KIF11: variants seen among roughly 807,000 people sequenced by gnomAD.
The protein encoded by KIF11 is kinesin-like protein KIF11.
A neutral mutation model predicts 121.0 loss-of-function variants in KIF11; 9 were observed. The ratio of observed to expected loss-of-function variants is 0.07; its 90% CI spans 0.04 to 0.13. KIF11 has a LOEUF of 0.13. Ranked by LOEUF, KIF11 falls within the 10% of genes least tolerant of loss-of-function variation. KIF11 has a pLI of 1.00. For synonymous variants in KIF11, 408 were observed against 421.0 expected (o/e 0.97, Z 0.38); for missense variants, 846 against 1,217.5 (o/e 0.69, Z 4.54).
At chr10:92,622,352 C>T (rs532668002) in intron 10 of KIF11, among the ~76,000 whole-genome samples, 56 of 151,194 alleles carry the variant, frequency 3.7e-4, no homozygotes, top group Middle Eastern at 3.4e-3. Context: ...CCGTGGCTCA[C>T]GCCTGTAATC....
chr10:92,616,350 A>C (rs1564707618), intron 8 of KIF11, among the ~76,000 whole-genome samples: 1 of 151,538 alleles, frequency 6.6e-6, no homozygotes, highest in Non-Finnish European at 1.5e-5. Context: ...GGCACATACT[A>C]CTATGCCCAG....
chr10:92,640,191 A>T (rs1265760467), intron 17 of KIF11, among the ~76,000 whole-genome samples: 1 of 152,186 alleles, frequency 6.6e-6, no homozygotes, highest in African/African-American at 2.4e-5. Context: ...TCTAACCTAT[A>T]TTACTGATGA....
At chr10:92,598,722 A>ACAAGGGAT (rs1170891358) in intron 1 of KIF11, among the ~76,000 whole-genome samples, 1 of 152,202 alleles carries the variant, frequency 6.6e-6, no homozygotes, top group African/African-American at 2.4e-5. Context: ...CAGTTCATGA[A>ACAAGGGAT]CAAGGGATGT....
intron 18 of KIF11, among the ~76,000 whole-genome samples, 191 bp from the exon 19 acceptor site, chr10:92,648,021 A>T (rs1844938720): frequency 6.6e-6 from 1 of 150,896 alleles, no homozygotes; most frequent in African/African-American, 2.5e-5. Context: ...AGGTGGGAGG[A>T]TGGCTTGAGC....
At chr10:92,641,789 A>G (rs1276930118) in intron 17 of KIF11, among the ~76,000 whole-genome samples, 1 of 152,014 alleles carries the variant, frequency 6.6e-6, no homozygotes, top group East Asian at 1.9e-4. Flanking sequence ...CAAATGTTAG[A>G]TCTTTTATTT....
intron 21 of KIF11, among the ~76,000 whole-genome samples, chr10:92,653,046 C>CAAATA (rs1002578651): frequency 6.6e-6 from 1 of 152,094 alleles, no homozygotes; most frequent in Non-Finnish European, 1.5e-5. Context: ...ATAGGTTTTA[C>CAAATA]AAATAAAATA....
chr10:92,624,857 C>A (rs1208154322), intron 10 of KIF11, among the ~76,000 whole-genome samples: 2 of 151,166 alleles, frequency 1.3e-5, no homozygotes, highest in Admixed American at 1.3e-4. Flanking sequence ...GCAAACTCTG[C>A]CCCCCAGGTT....
At chr10:92,644,220 T>C (rs1015739408) in intron 17 of KIF11, among the ~76,000 whole-genome samples, 1 of 152,254 alleles carries the variant, frequency 6.6e-6, no homozygotes, top group Non-Finnish European at 1.5e-5. Context: ...AGGTGATGTT[T>C]ATGTACACAC....
chr10:92,634,574 G>A (rs1230892279), intron 14 of KIF11, among the ~76,000 whole-genome samples: 1 of 152,026 alleles, frequency 6.6e-6, no homozygotes, highest in Non-Finnish European at 1.5e-5. Context: ...GTGCCCGGCC[G>A]AGAGTACGTT....
intron 6 of KIF11, among the ~76,000 whole-genome samples, chr10:92,611,141 T>C (rs1390514382): frequency 2.6e-5 from 4 of 152,152 alleles, no homozygotes; most frequent in African/African-American, 9.7e-5. Flanking sequence ...AATGCTTATT[T>C]GTATTAATTG....
Position 92,613,612 on chromosome 10 carries a change from A to G in KIF11, c.1025A>G (p.Asn342Ser), listed in dbSNP as rs772752590. 1.9e-6 allele frequency: 3 copies of G among 1,611,330 alleles called. No individual in the cohort carries two copies. Among genetic ancestry groups the G allele is most frequent in the Non-Finnish European group, 2.5e-6 (3 of 1,178,658 alleles). The change falls in exon 8 of 22, where the codon AAT becomes AGT. Residue 342 changes from asparagine to serine, a missense_variant. Asn to Ser is a conservative substitution (Grantham distance 46). Transcript: ENST00000260731. This position sits in a 1 kb window ranked among gnomAD's most constrained non-coding sequence, Gnocchi z 4.2. ...GCAACAATTTCTCCTGCATCTCTCAATCTTGAGGTAAGCCCTTTGAAAGGA... is the reference window on the plus strand; with the variant it reads ...GCAACAATTTCTCCTGCATCTCTCAGTCTTGAGGTAAGCCCTTTGAAAGGA... ...IIATISPASL[N>S]LEETLSTLEY...
rs372437837 is a variant in KIF11 at position 92,613,633 on chromosome 10, A to C, written c.1032+14A>C. 4 of 1,597,636 alleles carry C rather than the reference A, an allele frequency of 2.5e-6. No individual in the cohort carries two copies. The African/African-American group carries it at 5.4e-5, about 22-fold the overall frequency. On this transcript the variant is annotated intron_variant, in intron 8 of 21. Transcript: ENST00000260731. This position sits in a 1 kb window ranked among gnomAD's most constrained non-coding sequence, Gnocchi z 4.2. ...CTCAATCTTGAGGTAAGCCCTTTGA[A>C]AGGAAGCTGCAAGTGTAGTAGCTGT...
At chr10:92,645,950 CTTTTT>C (rs33915127) in intron 18 of KIF11, among the ~76,000 whole-genome samples, 5 of 101,718 alleles carry the variant, frequency 4.9e-5, no homozygotes, top group Admixed American at 9.8e-5. Context: ...CTTATATATG[CTTTTT>C]TTTTTTTTTT....
chr10:92,596,062 C>T (rs139106483), intron 1 of KIF11, among the ~76,000 whole-genome samples: 27 of 152,220 alleles, frequency 1.8e-4, no homozygotes, highest in African/African-American at 5.5e-4. Context: ...AGTGCAGTGG[C>T]GCGGTCTTGG....
At chr10:92,638,560 T>TA (rs1255125017) in intron 16 of KIF11, among the ~76,000 whole-genome samples, 1 of 152,152 alleles carries the variant, frequency 6.6e-6, no homozygotes, top group South Asian at 2.1e-4. Context: ...GACAGCTCTT[T>TA]AAAAAAACAA....
rs1844523996 is a variant in KIF11 at position 92,613,993 on chromosome 10, T to C, written c.1032+374T>C. Among the ~76,000 whole-genome samples, 1 of 136,640 alleles carries C rather than the reference T, an allele frequency of 7.3e-6. No homozygotes were observed. Among genetic ancestry groups the C allele is most frequent in the Admixed American group, 7.5e-5 (1 of 13,376 alleles). The allele number at this position is 136,640 out of a possible 152,430, so 89.6% of individuals were successfully genotyped here. A position where few individuals can be genotyped will look rare whatever the true frequency, so the allele number is the denominator to read the frequency against. On this transcript the variant is annotated intron_variant, in intron 8 of 21. Coordinates refer to ENST00000260731, the MANE Select transcript of KIF11 (RefSeq NM_004523.4). This position sits in a 1 kb window ranked among gnomAD's most constrained non-coding sequence, Gnocchi z 4.2. ...CCCATCTCAAAAAAAAAAAAGTATGTGTATAAAAAAAAAGAAAAGTATGTG... is the reference window on the plus strand; with the variant it reads ...CCCATCTCAAAAAAAAAAAAGTATGCGTATAAAAAAAAAGAAAAGTATGTG...
chr10:92,633,488 G>A (rs1844760756), intron 13 of KIF11, 135 bp from the exon 14 acceptor site: 1 of 631,904 alleles, frequency 1.6e-6, no homozygotes, highest in Non-Finnish European at 2.7e-6. Context: ...GCTTTGTAGT[G>A]AGCCAGTTCT....
At chr10:92,610,000 G>T (rs1844477940) in intron 6 of KIF11, among the ~76,000 whole-genome samples, 1 of 152,194 alleles carries the variant, frequency 6.6e-6, no homozygotes, top group Non-Finnish European at 1.5e-5. Flanking sequence ...GCCTCCCAAA[G>T]TGCTGAGATT....
At chr10:92,622,497 C>A (rs1038325852) in intron 10 of KIF11, among the ~76,000 whole-genome samples, 5 of 151,660 alleles carry the variant, frequency 3.3e-5, no homozygotes, top group African/African-American at 1.2e-4. Context: ...TGCTTGTAAT[C>A]CCAGCTACTC....
Sources: gnomAD v4.1 joint callset for allele counts (sites outside exome capture counted in the v4.1 genomes callset) on GRCh38, gnomAD v4.1.1 for gene constraint, Gnocchi (gnomAD v3.1) non-coding constraint, MANE v1.5 for transcripts, NCBI Gene and HGNC (gene_info 2026-07-23, HGNC 2026-07-21) for gene names.